KAT6B: variants seen among roughly 807,000 people sequenced by gnomAD.
The protein encoded by KAT6B is histone acetyltransferase KAT6B.
In KAT6B, 10 loss-of-function variants were observed where a neutral mutation model predicts 187.5. The ratio of observed to expected loss-of-function variants is 0.05; its 90% confidence interval spans 0.03 to 0.09. KAT6B has a LOEUF of 0.09. KAT6B is among the 10% of genes least tolerant of loss of function. KAT6B has a pLI of 1.00. For synonymous variants in KAT6B, 861 were observed against 926.8 expected (o/e 0.93, Z 1.29); for missense variants, 1,952 against 2,558.9 (o/e 0.76, Z 5.12).
chr10:74,866,917 A>AC (rs1478812209), intron 3 of KAT6B, among the ~76,000 whole-genome samples: 1 of 152,176 alleles, frequency 6.6e-6, no homozygotes, highest in Non-Finnish European at 1.5e-5. Context: ...CTTGAGTACC[A>AC]CTAGTGATAG....
chr10:74,959,732 A>G (rs541145228), intron 3 of KAT6B, among the ~76,000 whole-genome samples: 3 of 152,198 alleles, frequency 2.0e-5, no homozygotes, highest in South Asian at 2.1e-4. Context: ...GGAGGTTGCA[A>G]TGAGCCGAGA....
Position 75,031,546 on chromosome 10 carries a change from G to T in KAT6B, c.*500G>T. The T allele has an allele frequency of 4.3e-6, 1 of 234,434 alleles. No homozygotes were observed. Among genetic ancestry groups the T allele is most frequent in the Non-Finnish European group, 8.5e-6 (1 of 117,820 alleles). 14.5% of individuals were successfully genotyped at this position (234,434 alleles called of 1,614,324 possible). On this transcript the variant is annotated 3_prime_UTR_variant, in exon 18 of 18. Transcript: ENST00000287239. The stretch of plus-strand genomic sequence containing the variant: ...CAGTGCATTTTGTAGTACTGTACAA[G>T]TGTTGTGCTAACAGTAAGCCATTTC...
At chr10:74,914,675 A>T (rs1847524626) in intron 3 of KAT6B, among the ~76,000 whole-genome samples, 1 of 152,234 alleles carries the variant, frequency 6.6e-6, no homozygotes, top group Non-Finnish European at 1.5e-5. Context: ...CTGCATAGTT[A>T]GGATATGATT....
chr10:74,928,730 C>G (rs1245616738), intron 3 of KAT6B, among the ~76,000 whole-genome samples: 1 of 152,060 alleles, frequency 6.6e-6, no homozygotes, highest in Non-Finnish European at 1.5e-5. Context: ...TAACCCTTTT[C>G]TTGAAAAATT....
intron 16 of KAT6B, among the ~76,000 whole-genome samples, chr10:75,022,516 TG>T (rs1487547353): frequency 2.0e-5 from 3 of 152,144 alleles, no homozygotes; most frequent in African/African-American, 7.2e-5. Context: ...CTGAGGTTTA[TG>T]GGAACAAAAA....
At chr10:74,969,168 G>T (rs1841687948) in intron 4 of KAT6B, among the ~76,000 whole-genome samples, 1 of 152,152 alleles carries the variant, frequency 6.6e-6, no homozygotes, top group African/African-American at 2.4e-5. Context: ...TTGGATTTGG[G>T]TGGGGGAGGG....
intron 3 of KAT6B, among the ~76,000 whole-genome samples, chr10:74,925,762 G>A (rs142383139): frequency 6.6e-6 from 1 of 152,220 alleles, no homozygotes; most frequent in East Asian, 1.9e-4. Context: ...TATTGTTTGG[G>A]CATCATTCCA....
At chr10:74,850,883 A>G (rs1469165021) in intron 3 of KAT6B, among the ~76,000 whole-genome samples, 1 of 152,208 alleles carries the variant, frequency 6.6e-6, no homozygotes, top group Non-Finnish European at 1.5e-5. Flanking sequence ...TCTTCATAAA[A>G]TTTATTAAGT....
At chr10:74,830,835 T>G (rs1391075792) in intron 1 of KAT6B, among the ~76,000 whole-genome samples, 1 of 126,626 alleles carries the variant, frequency 7.9e-6, no homozygotes, top group African/African-American at 2.9e-5. Flanking sequence ...TCACCCAGGC[T>G]GGAGTGCAGT....
chr10:74,957,033 G>A (rs1304751773), intron 3 of KAT6B, among the ~76,000 whole-genome samples: 1 of 152,162 alleles, frequency 6.6e-6, no homozygotes, highest in Non-Finnish European at 1.5e-5. Flanking sequence ...GATTTGTATA[G>A]AATCAAATTG....
chr10:75,029,457 G>A lies in KAT6B; in HGVS notation c.4633G>A (p.Val1545Ile), dbSNP rs145158232. 437 of 1,614,008 alleles carry A rather than the reference G, an allele frequency of 2.7e-4. No homozygotes were observed. The highest frequency in any genetic ancestry group is 3.2e-4 in the Non-Finnish European group (374 of 1,180,032). The change falls in exon 18 of 18, where the codon GTT (valine) becomes ATT (isoleucine). Residue 1545 changes from valine to isoleucine, a missense_variant. Val to Ile is a conservative substitution (Grantham distance 29). This residue lies in a region of KAT6B where 758 missense variants were observed against 891.4 expected (regional missense o/e 0.85). Coordinates refer to ENST00000287239, the MANE Select transcript of KAT6B (RefSeq NM_012330.4). This position sits in a 1 kb window ranked among gnomAD's most constrained non-coding sequence, Gnocchi z 6.2. ...AATCGACTCTGAGACTGTCCAGGCCGTTCAGTCTTTGACCCAGGAGAGCAG... is the reference window on the plus strand; with the variant it reads ...AATCGACTCTGAGACTGTCCAGGCCATTCAGTCTTTGACCCAGGAGAGCAG... Reference protein sequence around the residue: ...MEIDSETVQAVQSLTQESSEQ... With the variant: ...MEIDSETVQAIQSLTQESSEQ...
At chr10:74,834,336 C>T (rs1589437308) in intron 1 of KAT6B, among the ~76,000 whole-genome samples, 1 of 151,506 alleles carries the variant, frequency 6.6e-6, no homozygotes, top group African/African-American at 2.4e-5. Flanking sequence ...TAGCTGGGAC[C>T]ACAGGCATGC....
intron 3 of KAT6B, among the ~76,000 whole-genome samples, chr10:74,879,957 T>A (rs951661011): frequency 6.6e-6 from 1 of 152,070 alleles, no homozygotes; most frequent in Non-Finnish European, 1.5e-5. Flanking sequence ...TAGCTGGACA[T>A]GGTGACAGGC....
chr10:74,999,698 C>T (rs1843696519), intron 13 of KAT6B, among the ~76,000 whole-genome samples: 1 of 152,150 alleles, frequency 6.6e-6, no homozygotes, highest in Admixed American at 6.5e-5. Flanking sequence ...TCACTTAGTC[C>T]TCACGGAGAC....
intron 3 of KAT6B, among the ~76,000 whole-genome samples, chr10:74,893,451 CAG>C (rs1232098156): frequency 6.6e-6 from 1 of 150,668 alleles, no homozygotes; most frequent in Non-Finnish European, 1.5e-5. Context: ...GTCTAGAAAT[CAG>C]TGGGTTTTTT....
chr10:74,970,745 A>C (rs1841794322), intron 6 of KAT6B, among the ~76,000 whole-genome samples: 1 of 152,228 alleles, frequency 6.6e-6, no homozygotes. Context: ...ACAGATAGAC[A>C]AAAAAGGAAT....
chr10:74,913,370 A>T (rs1304338369), intron 3 of KAT6B, among the ~76,000 whole-genome samples: 1 of 152,228 alleles, frequency 6.6e-6, no homozygotes, highest in Admixed American at 6.5e-5. Context: ...TAGGCACAGG[A>T]AGAAATTAAC....
chr10:74,915,382 C>T (rs1195677429), intron 3 of KAT6B, among the ~76,000 whole-genome samples: 1 of 152,070 alleles, frequency 6.6e-6, no homozygotes, highest in Non-Finnish European at 1.5e-5. Context: ...ACAGAAGGTG[C>T]CTCATCTGTC....
chr10:74,954,057 C>G (rs1229510443), intron 3 of KAT6B, among the ~76,000 whole-genome samples: 1 of 152,054 alleles, frequency 6.6e-6, no homozygotes, highest in East Asian at 1.9e-4. Flanking sequence ...AACTCTAGAA[C>G]CGTTAAAATA....
Sources: allele counts gnomAD v4.1 joint callset (sites outside exome capture counted in the v4.1 genomes callset), GRCh38; gene constraint gnomAD v4.1.1; regional missense constraint gnomAD v4.1.1; non-coding constraint Gnocchi (gnomAD v3.1); transcripts MANE v1.5; gene names NCBI Gene and HGNC (gene_info 2026-07-23, HGNC 2026-07-21).